Variants in GRSF1 observed in about 807,000 individuals in gnomAD.
GRSF1 encodes G-rich sequence factor 1.
GRSF1 carries 50 observed loss-of-function variants against 51.1 expected under a neutral mutation model. The observed-to-expected ratio is 0.98, with a 90% CI of 0.78 to 1.24. GRSF1 has a LOEUF of 1.24. GRSF1 is among the 50% of genes most tolerant of loss of function. GRSF1 has a pLI of 0.00. For missense variants in GRSF1, 700 were observed against 639.7 expected (o/e 1.09, Z -1.02); for synonymous variants, 293 against 253.3 (o/e 1.16, Z -1.49).
In GRSF1 at chr4:70,836,265, T is replaced by G. The variant is rs747103852; in HGVS notation, c.407A>C (p.Glu136Ala). The change falls in exon 2 of 10, where the codon GAA (glutamate) becomes GCA (alanine). Residue 136 changes from glutamate (E) to alanine (A), a missense_variant. Transcript: ENST00000254799. ...CTCTTCTAACTTGGACGGGGCCAATTCATACTCAGGGGGTGGTGGAAGGTC... is the reference window on the plus strand; with the variant it reads ...CTCTTCTAACTTGGACGGGGCCAATGCATACTCAGGGGGTGGTGGAAGGTC... ...LEDLPPPPEY[E>A]LAPSKLEEEV... 1.2e-6 allele frequency: 2 copies of G among 1,606,704 alleles called. No homozygotes were observed. The highest frequency in any genetic ancestry group is 3.4e-5 in the Admixed American group (2 of 58,226).
At chr4:70,834,945 C>T (rs116618766) in intron 2 of GRSF1, among the ~76,000 whole-genome samples, 43 of 152,052 alleles carry the variant, frequency 2.8e-4, no homozygotes, top group Non-Finnish European at 5.7e-4. Context: ...TTTTAATCTT[C>T]TCCCCAACCC....
chr4:70,836,397 T>C (rs775354628), intron 1 of GRSF1, 83 bp from the exon 2 acceptor site: 3 of 1,011,444 alleles, frequency 3.0e-6, no homozygotes, highest in Non-Finnish European at 4.3e-6. Context: ...ATGTTTATTC[T>C]ACAAACTAAC....
At position 70,825,450 on chromosome 4, in the gene GRSF1, C is replaced by T. The variant is rs533668542; in HGVS notation, c.1258-19G>A. 1.9e-6 allele frequency: 3 copies of T among 1,600,052 alleles called. No individual in the cohort carries two copies. Among genetic ancestry groups the T allele is most frequent in the South Asian group, 1.1e-5 (1 of 89,350 alleles). On this transcript the variant is annotated intron_variant, in intron 7 of 9. Coordinates refer to ENST00000254799, the MANE Select transcript of GRSF1 (RefSeq NM_002092.4). ...CAAAAAACTAAACGACAAACAAAGG[C>T]AGTCAAGAGGAACATGATGGATGTA... is the stretch of plus-strand genomic sequence containing the variant.
In GRSF1 at chr4:70,832,429, T is replaced by C; in HGVS notation, c.692A>G (p.Asp231Gly). The C allele has an allele frequency of 6.2e-7, 1 of 1,607,974 alleles. No homozygotes were observed. Among genetic ancestry groups the C allele is most frequent in the South Asian group, 1.1e-5 (1 of 90,924 alleles). The change falls in exon 4 of 10, where the codon GAT (aspartate) becomes GGT (glycine). Residue 231 changes from aspartate to glycine, a missense_variant. By Grantham distance (94) the Asp-to-Gly change is moderately conservative. Coordinates refer to ENST00000254799, the MANE Select transcript of GRSF1 (RefSeq NM_002092.4). ...YVEVYEINNE[D>G]VDALMKSLQV... Reference sequence around the variant, plus strand: ...CAAGCTCTTCATTAAGGCATCCACATCTTCATTGTTTATCTCATATACTAC... The same window carrying C: ...CAAGCTCTTCATTAAGGCATCCACACCTTCATTGTTTATCTCATATACTAC...
At chr4:70,832,636 T>TTA (rs1378562860) in intron 3 of GRSF1, among the ~76,000 whole-genome samples, 186 bp from the exon 4 acceptor site, 2 of 152,250 alleles carry the variant, frequency 1.3e-5, no homozygotes, top group African/African-American at 4.8e-5. Context: ...ATAACTTCTT[T>TTA]ATTTCTCACA....
Position 70,832,401 on chromosome 4 carries a change from C to G in GRSF1, c.720G>C (p.Gln240His), listed in dbSNP as rs747468705. Reference protein sequence around the residue: ...EDVDALMKSLQVKSSPVVNDG... With the variant: ...EDVDALMKSLHVKSSPVVNDG... ...CATTTACCACAGGCGAAGATTTGACCTGCAAGCTCTTCATTAAGGCATCCA... is the reference window on the plus strand; with the variant it reads ...CATTTACCACAGGCGAAGATTTGACGTGCAAGCTCTTCATTAAGGCATCCA... Residue 240 changes from glutamine (Q) to histidine (H), a missense_variant, in exon 4 of 10, where the codon CAG (glutamine) becomes CAC (histidine). Transcript: ENST00000254799. 11 of 1,610,812 alleles carry G rather than the reference C, an allele frequency of 6.8e-6. No individual in the cohort carries two copies. The Middle Eastern group carries it at 8.2e-4, about 120-fold the overall frequency.
intron 7 of GRSF1, chr4:70,825,863 C>G: frequency 2.9e-6 from 1 of 349,496 alleles, no homozygotes; most frequent in South Asian, 3.0e-5. Context: ...ACCCGGGAGG[C>G]AGAGGTTGCA....
chr4:70,823,968 ATCTC>A (rs1300975103), intron 9 of GRSF1, among the ~76,000 whole-genome samples: 1 of 41,428 alleles, frequency 2.4e-5, no homozygotes, highest in African/African-American at 4.6e-5. Context: ...CCACAGTTGT[ATCTC>A]TCTCTTTTTT....
At chr4:70,840,572 G>T (rs1000983011), upstream of GRSF1, among the ~76,000 whole-genome samples, 6 of 152,180 alleles carry the variant, frequency 3.9e-5, 1 homozygote, top group Admixed American at 2.6e-4. Flanking sequence ...AGACCAGCCT[G>T]GCCAACATGG....
In GRSF1 at chr4:70,832,461, A is replaced by T. The variant is rs780945324; in HGVS notation, c.671-11T>A. On this transcript the variant is annotated splice_polypyrimidine_tract_variant and intron_variant, in intron 3 of 9. Coordinates refer to ENST00000254799, the MANE Select transcript of GRSF1 (RefSeq NM_002092.4). ...TGTTTATCTCATATACTACGAAGAAAAAACCCAACAGGGATGAAAAATTTA... is the reference window on the plus strand; with the variant it reads ...TGTTTATCTCATATACTACGAAGAATAAACCCAACAGGGATGAAAAATTTA... 5 of 1,568,384 alleles carry T rather than the reference A, an allele frequency of 3.2e-6. No homozygotes were observed. The South Asian group carries it at 5.6e-5, about 18-fold the overall frequency.
intron 5 of GRSF1, among the ~76,000 whole-genome samples, chr4:70,831,228 G>A (rs1388736238): frequency 1.3e-5 from 2 of 152,168 alleles, no homozygotes; most frequent in African/African-American, 2.4e-5. Flanking sequence ...GGTGGCAGGC[G>A]CCTGTAATCC....
At position 70,817,783 on chromosome 4, in the gene GRSF1, A is replaced by AACGAGTCTACACAAAAACCTGC. The variant is rs1733367375; in HGVS notation, c.*3082_*3103dup. The AACGAGTCTACACAAAAACCTGC allele has an allele frequency of 2.6e-5, 4 of 151,692 alleles. No individual in the cohort carries two copies. The highest frequency in any genetic ancestry group is 2.0e-4 in the Admixed American group (3 of 15,248). 9.4% of individuals were successfully genotyped at this position (151,692 alleles called of 1,614,324 possible). A position where few individuals can be genotyped will look rare whatever the true frequency, so the allele number is the denominator to read the frequency against. ...TTGGTATTTACCCAAAGGAGCTGAA[A>AACGAGTCTACACAAAAACCTGC]ACGAGTCTACACAAAAACCTGCACA... On this transcript the variant is annotated 3_prime_UTR_variant, in exon 10 of 10. Coordinates refer to ENST00000254799, the MANE Select transcript of GRSF1 (RefSeq NM_002092.4).
intron 9 of GRSF1, among the ~76,000 whole-genome samples, chr4:70,821,236 G>A (rs556633855): frequency 8.5e-5 from 13 of 152,152 alleles, no homozygotes; most frequent in South Asian, 2.1e-4. Flanking sequence ...AGACCAACCC[G>A]GCCAACATAA....
Position 70,833,201 on chromosome 4 carries a change from G to A in GRSF1, c.587C>T (p.Ala196Val). The A allele has an allele frequency of 6.2e-7, 1 of 1,613,564 alleles. No individual in the cohort carries two copies. Among genetic ancestry groups the A allele is most frequent in the Non-Finnish European group, 8.5e-7 (1 of 1,179,568 alleles). Residue 196 changes from alanine to valine, a missense_variant, in exon 3 of 10, where the codon GCC becomes GTC. Coordinates refer to ENST00000254799, the MANE Select transcript of GRSF1 (RefSeq NM_002092.4). ...CTGCTCTGACTCCATTTCAATTAAGGCATCACCCCTTCGTTTCCCATCTCT... is the reference window on the plus strand; with the variant it reads ...CTGCTCTGACTCCATTTCAATTAAGACATCACCCCTTCGTTTCCCATCTCT... ...LNRDGKRRGD[A>V]LIEMESEQDV...
Position 70,839,467 on chromosome 4 carries a change from G to T in GRSF1, c.357+4C>A. Reference sequence around the variant, plus strand: ...GCGCCAGGTCCCTCACGGCGCCCACGTACCTGGCTGTAGCTGCGCGTCGGG... The same window carrying T: ...GCGCCAGGTCCCTCACGGCGCCCACTTACCTGGCTGTAGCTGCGCGTCGGG... On this transcript the variant is annotated splice_donor_region_variant and intron_variant, in intron 1 of 9. Transcript: ENST00000254799. The T allele has an allele frequency of 6.9e-7, 1 of 1,455,398 alleles. No homozygotes were observed. Among genetic ancestry groups the T allele is most frequent in the South Asian group, 1.3e-5 (1 of 74,898 alleles). 90.2% of individuals were successfully genotyped at this position (1,455,398 alleles called of 1,614,324 possible). A position where few individuals can be genotyped will look rare whatever the true frequency, so the allele number is the denominator to read the frequency against.
chr4:70,832,250 G>A (rs1262231179), intron 4 of GRSF1, 57 bp downstream of exon 4: 48 of 1,481,140 alleles, frequency 3.2e-5, no homozygotes, highest in Non-Finnish European at 4.2e-5. Flanking sequence ...AGATATAGAA[G>A]GAGATACCAA....
intron 5 of GRSF1, among the ~76,000 whole-genome samples, chr4:70,829,194 T>C (rs1733861093): frequency 6.6e-6 from 1 of 152,128 alleles, no homozygotes. Context: ...CCCAGCACAG[T>C]TTCCTTTTTC....
At chr4:70,835,933 T>A (rs2148846445) in intron 2 of GRSF1, among the ~76,000 whole-genome samples, 1 of 152,260 alleles carries the variant, frequency 6.6e-6, no homozygotes, top group Middle Eastern at 3.4e-3. Flanking sequence ...GTCTTTCAAT[T>A]CGTTACATAC....
intron 9 of GRSF1, 83 bp downstream of exon 9, chr4:70,824,211 C>T: frequency 1.6e-6 from 1 of 616,912 alleles, no homozygotes. Context: ...CTCAGGTGGT[C>T]CGCCCACCTT....
Sources: allele counts gnomAD v4.1 joint callset (sites outside exome capture counted in the v4.1 genomes callset), GRCh38; gene constraint gnomAD v4.1.1; transcripts MANE v1.5; gene names NCBI Gene and HGNC (gene_info 2026-07-23, HGNC 2026-07-21).